GUCY1B1: variants seen among roughly 807,000 people sequenced by gnomAD.
The protein encoded by GUCY1B1 is guanylate cyclase 1 soluble subunit beta 1, also known as guanylate cyclase soluble subunit beta-1.
Under a neutral mutation model 71.0 loss-of-function variants are expected in GUCY1B1, and 43 were observed. That is an observed-to-expected ratio of 0.61 (90% CI 0.47 to 0.78). GUCY1B1 has a LOEUF of 0.78. Ranked by LOEUF, GUCY1B1 falls within the 30% of genes least tolerant of loss-of-function variation. The pLI is 0.00. For missense variants in GUCY1B1, 535 were observed against 754.1 expected, an observed-to-expected ratio of 0.71 and a Z score of 3.40; for synonymous variants, 266 against 259.7, an observed-to-expected ratio of 1.02 and a Z score of -0.23.
chr4:155,794,981 A>G (rs1310462387), intron 6 of GUCY1B1, among the ~76,000 whole-genome samples: 1 of 152,136 alleles, frequency 6.6e-6, no homozygotes, highest in Non-Finnish European at 1.5e-5. Context: ...TGTTTTTGGT[A>G]TTTTAATTTC....
At position 155,786,680 on chromosome 4, in the gene GUCY1B1, A is replaced by G. The variant is rs1006795786; in HGVS notation, c.298-3034A>G. Among the ~76,000 whole-genome samples the G allele has an allele frequency of 1.1e-3, 170 of 151,272 alleles. 3 individuals are homozygous for G. The highest frequency in any genetic ancestry group is 1.8e-3 in the East Asian group (9 of 5,086). ...AGTAGAGACGGGGTTTCACCGTGTT[A>G]GCCAGGATGGTCTTGATCTCCTGAC... On this transcript the variant is annotated intron_variant, in intron 4 of 13. Transcript: ENST00000264424.
chr4:155,795,497 G>C (rs745317656), intron 7 of GUCY1B1, 40 bp downstream of exon 7: 3 of 985,312 alleles, frequency 3.0e-6, no homozygotes, highest in South Asian at 2.7e-5. Context: ...AGAAAGGTAT[G>C]TCACAAATTA....
chr4:155,800,604 A>G (rs1450824515), intron 9 of GUCY1B1, among the ~76,000 whole-genome samples: 3 of 152,218 alleles, frequency 2.0e-5, no homozygotes, highest in African/African-American at 7.2e-5. Flanking sequence ...AGTGACATAC[A>G]TTAGCAAAAA....
rs2111130359 is a variant in GUCY1B1, at chr4:155,793,869, G to T, written c.509G>T (p.Arg170Ile). 1.4e-6 allele frequency: 2 copies of T among 1,479,740 alleles called. No individual in the cohort carries two copies. Among genetic ancestry groups the T allele is most frequent in the East Asian group, 2.3e-5 (1 of 44,226 alleles). The allele number at this position is 1,479,740 out of a possible 1,614,324, so 91.7% of individuals were successfully genotyped here. ...TEIDMKVIQQ[R>I]NEECDHTQFL... ...TTTGATATCCAGGTTATTCAGCAAAGAAATGAAGAATGTGATCATACTCAA... is the reference window on the plus strand; with the variant it reads ...TTTGATATCCAGGTTATTCAGCAAATAAATGAAGAATGTGATCATACTCAA... The change falls in exon 6 of 14, where the codon AGA (arginine) becomes ATA (isoleucine). Residue 170 changes from arginine to isoleucine, a missense_variant. Arg to Ile is a moderately conservative substitution (Grantham distance 97, BLOSUM62 -3). Transcript: ENST00000264424.
chr4:155,761,948 A>T (rs1048799264), intron 2 of GUCY1B1, among the ~76,000 whole-genome samples: 18 of 152,322 alleles, frequency 1.2e-4, no homozygotes, highest in South Asian at 6.2e-4. Flanking sequence ...TTGGTAATCC[A>T]GGTGTTAGTG....
At chr4:155,798,644 C>T (rs1739730524) in intron 8 of GUCY1B1, among the ~76,000 whole-genome samples, 4 of 152,090 alleles carry the variant, frequency 2.6e-5, no homozygotes, top group South Asian at 4.1e-4. Context: ...CAAAGTCACC[C>T]CTTTTAAAGA....
intron 2 of GUCY1B1, among the ~76,000 whole-genome samples, chr4:155,770,519 A>G (rs1737625561): frequency 6.6e-6 from 1 of 152,224 alleles, no homozygotes; most frequent in South Asian, 2.1e-4. Context: ...TTCAAAGGCC[A>G]TATTATCTGA....
chr4:155,787,729 T>C (rs1400422841), intron 4 of GUCY1B1, among the ~76,000 whole-genome samples: 1 of 152,204 alleles, frequency 6.6e-6, no homozygotes, highest in Non-Finnish European at 1.5e-5. Flanking sequence ...ATTGAGTGGA[T>C]GTGTGGAAGG....
chr4:155,794,737 A>G (rs1022867649), intron 6 of GUCY1B1, among the ~76,000 whole-genome samples: 2 of 152,236 alleles, frequency 1.3e-5, no homozygotes, highest in African/African-American at 4.8e-5. Flanking sequence ...CAGTTGGATC[A>G]GGTGAAATGG....
intron 8 of GUCY1B1, among the ~76,000 whole-genome samples, chr4:155,797,483 T>C (rs1249089659): frequency 6.6e-6 from 1 of 152,108 alleles, no homozygotes; most frequent in East Asian, 1.9e-4. Context: ...TTCACACCTG[T>C]AATCCCAGCA....
At chr4:155,785,997 A>G (rs1288230261) in intron 4 of GUCY1B1, among the ~76,000 whole-genome samples, 2 of 152,214 alleles carry the variant, frequency 1.3e-5, no homozygotes, top group East Asian at 1.9e-4. Context: ...TGCAGTGCCT[A>G]TCTTTAGTGA....
chr4:155,765,239 C>G (rs1473222769), intron 2 of GUCY1B1, among the ~76,000 whole-genome samples: 1 of 152,088 alleles, frequency 6.6e-6, no homozygotes, highest in Admixed American at 6.5e-5. Context: ...ATAAGGGGCT[C>G]TAGCAAATGT....
At chr4:155,795,222 AATAATT>A in intron 6 of GUCY1B1, 113 bp from the exon 7 acceptor site, 1 of 538,198 alleles carries the variant, frequency 1.9e-6, no homozygotes, top group Non-Finnish European at 3.2e-6. Flanking sequence ...CTTGAATTAT[AATAATT>A]ATAATTTTCT....
At position 155,806,634 on chromosome 4, in the gene GUCY1B1, TGATGTG is replaced by T; in HGVS notation, c.*230_*235del. On this transcript the variant is annotated 3_prime_UTR_variant, in exon 14 of 14. Transcript: ENST00000264424. Reference sequence around the variant, plus strand: ...AGTATATTATCTAAAGTTTGGCTTTTGATGTGGATGATGTGAGCTTCATGTGTCTTA... The same window carrying T: ...AGTATATTATCTAAAGTTTGGCTTTTGATGATGTGAGCTTCATGTGTCTTA... 1 of 434,924 alleles carries T rather than the reference TGATGTG, an allele frequency of 2.3e-6. No homozygotes were observed. Among genetic ancestry groups the T allele is most frequent in the Non-Finnish European group, 4.1e-6 (1 of 244,744 alleles). The allele number at this position is 434,924 out of a possible 1,614,324, so 26.9% of individuals were successfully genotyped here. A position where few individuals can be genotyped will look rare whatever the true frequency, so the allele number is the denominator to read the frequency against.
intron 2 of GUCY1B1, chr4:155,772,828 G>C (rs900680203): frequency 1.0e-5 from 7 of 696,200 alleles, no homozygotes; most frequent in African/African-American, 5.3e-5. Flanking sequence ...CAGAAAACAT[G>C]CTTTTAAAAA....
intron 4 of GUCY1B1, 95 bp downstream of exon 4, chr4:155,777,737 T>A: frequency 1.6e-6 from 1 of 627,190 alleles, no homozygotes; most frequent in Non-Finnish European, 2.9e-6. Flanking sequence ...TGTACAAGAG[T>A]GTCTTGCTTC....
At chr4:155,764,331 A>T (rs1737191442) in intron 2 of GUCY1B1, among the ~76,000 whole-genome samples, 1 of 152,238 alleles carries the variant, frequency 6.6e-6, no homozygotes, top group South Asian at 2.1e-4. Context: ...TGACTGCTAC[A>T]ACATCCATTT....
rs747546342 is a variant in GUCY1B1, at chr4:155,796,490, A to G, written c.957A>G (p.Ile319Met). ...QMIYLPEADS[I>M]LFLCSPSVMN... Reference sequence around the variant, plus strand: ...TCTACTTACCTGAAGCAGATAGCATACTTTTTCTATGTTCACCAAGGTAAT... The same window carrying G: ...TCTACTTACCTGAAGCAGATAGCATGCTTTTTCTATGTTCACCAAGGTAAT... Residue 319 changes from isoleucine to methionine, a missense_variant, in exon 8 of 14, where the codon ATA becomes ATG. Transcript: ENST00000264424. The G allele has an allele frequency of 1.9e-6, 3 of 1,610,958 alleles. No homozygotes were observed. In the South Asian group the frequency reaches 3.3e-5, roughly 18 times the overall value.
chr4:155,787,833 G>A (rs1268271557), intron 4 of GUCY1B1, among the ~76,000 whole-genome samples: 1 of 152,166 alleles, frequency 6.6e-6, no homozygotes, highest in Non-Finnish European at 1.5e-5. Flanking sequence ...TTTCCTCCCA[G>A]TAATCTCACT....
Sources: allele counts gnomAD v4.1 joint callset (sites outside exome capture counted in the v4.1 genomes callset), GRCh38; gene constraint gnomAD v4.1.1; transcripts MANE v1.5; gene names NCBI Gene and HGNC (gene_info 2026-07-23, HGNC 2026-07-21).